The following SLC9A4 variants were observed in gnomAD, a reference collection of about 807,000 sequenced individuals.
SLC9A4 encodes the protein solute carrier family 9 member A4, also known as sodium/hydrogen exchanger 4.
SLC9A4 carries 63 observed loss-of-function variants against 67.4 expected under a neutral mutation model. The observed-to-expected ratio is 0.93, with a 90% CI of 0.76 to 1.15. SLC9A4 has a LOEUF of 1.15. Among genes scored for constraint, SLC9A4 ranks in the 50% most tolerant of loss-of-function variants. The pLI is 0.00. For synonymous variants in SLC9A4, 393 were observed against 367.2 expected (o/e 1.07, Z -0.80); for missense variants, 1,089 against 987.7 (o/e 1.10, Z -1.38).
chr2:102,525,871 G>A (rs1674653072), intron 10 of SLC9A4, among the ~76,000 whole-genome samples: 1 of 152,098 alleles, frequency 6.6e-6, no homozygotes, highest in South Asian at 2.1e-4. Flanking sequence ...ACAGGTCTGT[G>A]TTCTTCCCCT....
Position 102,508,209 on chromosome 2 carries a change from G to A in SLC9A4, c.1329G>A (p.Leu443=). The part of the protein sequence containing the change: ...GSFSLAFLLP[L]SLFPRKKMFV... ...TTTCACTTGCATTTTTGCTTCCTCT[G>A]TCTCTTTTTCCTAGGAAGAAAATGT... Residue 443 remains leucine (L), a synonymous_variant, in exon 5 of 12, where the codon CTG becomes CTA. Transcript: ENST00000295269. 6.2e-7 allele frequency: 1 copy of A among 1,614,124 alleles called. No homozygotes were observed.
In SLC9A4 at chr2:102,506,073, A is replaced by G. The variant is rs1027415339; in HGVS notation, c.1198+602A>G. Among the ~76,000 whole-genome samples the G allele has an allele frequency of 8.5e-5, 13 of 152,356 alleles. No individual in the cohort carries two copies. In the East Asian group the frequency reaches 2.1e-3, roughly 25 times the overall value. ...AGCAAACAAACAAATCAGAAAGTGAATATTTTTAAAAGAGCTTCGTATTAA... is the reference window on the plus strand; with the variant it reads ...AGCAAACAAACAAATCAGAAAGTGAGTATTTTTAAAAGAGCTTCGTATTAA... On this transcript the variant is annotated intron_variant, in intron 4 of 11. Transcript: ENST00000295269.
At chr2:102,487,054 G>A (rs1318276658) in intron 2 of SLC9A4, among the ~76,000 whole-genome samples, 1 of 152,194 alleles carries the variant, frequency 6.6e-6, no homozygotes, top group African/African-American at 2.4e-5. Context: ...GTTGGGGAGG[G>A]CAGGAGTCTG....
chr2:102,523,011 C>T (rs1481840420), intron 9 of SLC9A4, among the ~76,000 whole-genome samples: 2 of 152,098 alleles, frequency 1.3e-5, no homozygotes, highest in Non-Finnish European at 2.9e-5. Flanking sequence ...CTCTGTCACC[C>T]AGGCTAGAGT....
intron 2 of SLC9A4, among the ~76,000 whole-genome samples, chr2:102,488,260 C>G (rs1245647938): frequency 6.6e-6 from 1 of 152,096 alleles, no homozygotes; most frequent in Non-Finnish European, 1.5e-5. Context: ...TGCCCGGTGT[C>G]ACGTGAAAAA....
At chr2:102,491,239 G>A (rs889882977) in intron 2 of SLC9A4, among the ~76,000 whole-genome samples, 1 of 149,978 alleles carries the variant, frequency 6.7e-6, no homozygotes, top group African/African-American at 2.4e-5. Context: ...CCTCATCAGG[G>A]ATGCATTTGG....
chr2:102,483,841 T>TATATATATACACACAC (rs370126753), intron 2 of SLC9A4, among the ~76,000 whole-genome samples: 2 of 126,782 alleles, frequency 1.6e-5, no homozygotes, highest in African/African-American at 6.2e-5. Flanking sequence ...TATATATATA[T>TATATATATACACACAC]ACACACACAC....
chr2:102,480,418 C>A (rs1211263119), intron 2 of SLC9A4, among the ~76,000 whole-genome samples: 1 of 151,258 alleles, frequency 6.6e-6, no homozygotes, highest in Non-Finnish European at 1.5e-5. Flanking sequence ...GGCTGGAGTG[C>A]AATGATGCAG....
At position 102,479,171 on chromosome 2, in the gene SLC9A4, C is replaced by A; in HGVS notation, c.589C>A (p.Leu197Met). 1.2e-6 allele frequency: 2 copies of A among 1,614,184 alleles called. No individual in the cohort carries two copies. The highest frequency in any genetic ancestry group is 1.7e-6 in the Non-Finnish European group (2 of 1,180,020). The change falls in exon 2 of 12, where the codon CTG becomes ATG. Residue 197 changes from leucine (L) to methionine (M), a missense_variant. Transcript: ENST00000295269. Reference sequence around the variant, plus strand: ...GGGCGACGTCAACCTGCTGCAGAACCTGCTGTTCGGCAGCCTGATCTCCGC... The same window carrying A: ...GGGCGACGTCAACCTGCTGCAGAACATGCTGTTCGGCAGCCTGATCTCCGC... ...GLGDVNLLQN[L>M]LFGSLISAVD...
chr2:102,524,729 T>C (rs1433282356), intron 9 of SLC9A4, among the ~76,000 whole-genome samples: 1 of 152,056 alleles, frequency 6.6e-6, no homozygotes, highest in East Asian at 1.9e-4. Context: ...GAAAGGAAAG[T>C]GTATGTAAGG....
Position 102,519,862 on chromosome 2 carries a change from CCAGAGGATA to C in SLC9A4, c.1728_1736del (p.Arg577_Gln579del). ...TCTTCTCCAATAATGATTCCAGGGC[CCAGAGGATA>C]CAAGGAATCAAAAGACTTTCCCCTG... On this transcript the variant is annotated inframe_deletion, in exon 9 of 12. Transcript: ENST00000295269. 1.2e-6 allele frequency: 2 copies of C among 1,613,432 alleles called. No individual in the cohort carries two copies. Among genetic ancestry groups the C allele is most frequent in the Non-Finnish European group, 1.7e-6 (2 of 1,179,566 alleles).
chr2:102,524,618 G>A (rs1674619625), intron 9 of SLC9A4, among the ~76,000 whole-genome samples: 2 of 150,788 alleles, frequency 1.3e-5, no homozygotes, highest in Non-Finnish European at 3.0e-5. Context: ...ATCCTTAATT[G>A]GCAAAATTAA....
chr2:102,525,631 A>G (rs1338090185), intron 10 of SLC9A4, among the ~76,000 whole-genome samples: 1 of 151,890 alleles, frequency 6.6e-6, no homozygotes, highest in East Asian at 2.0e-4. Flanking sequence ...CACTCTTCCC[A>G]TTGGAGGCCA....
At chr2:102,503,029 G>T (rs978923985) in intron 2 of SLC9A4, among the ~76,000 whole-genome samples, 2 of 152,264 alleles carry the variant, frequency 1.3e-5, no homozygotes, top group Non-Finnish European at 2.9e-5. Flanking sequence ...CTGCAGGAAG[G>T]CCCTTCTGCC....
intron 2 of SLC9A4, among the ~76,000 whole-genome samples, chr2:102,500,706 G>C (rs965488852): frequency 2.0e-5 from 3 of 152,170 alleles, no homozygotes; most frequent in Non-Finnish European, 4.4e-5. Context: ...AAAGTGTACA[G>C]TTACATGGTG....
intron 9 of SLC9A4, among the ~76,000 whole-genome samples, chr2:102,523,786 C>G (rs1184646366): frequency 6.6e-6 from 1 of 152,206 alleles, no homozygotes; most frequent in Non-Finnish European, 1.5e-5. Flanking sequence ...ATTCCTGGCT[C>G]TTTTCCAGCA....
intron 8 of SLC9A4, among the ~76,000 whole-genome samples, chr2:102,518,862 A>G (rs1395952741): frequency 6.6e-6 from 1 of 152,130 alleles, no homozygotes; most frequent in Non-Finnish European, 1.5e-5. Flanking sequence ...GAGGCTAGAA[A>G]CAAACAAACA....
At chr2:102,483,835 T>TACACACAC (rs1424356394) in intron 2 of SLC9A4, among the ~76,000 whole-genome samples, 11 of 75,870 alleles carry the variant, frequency 1.4e-4, no homozygotes, top group African/African-American at 5.6e-4. Context: ...TATATATATA[T>TACACACAC]ATATATACAC....
chr2:102,525,981 G>T (rs115263091), intron 10 of SLC9A4, among the ~76,000 whole-genome samples: 1 of 151,950 alleles, frequency 6.6e-6, no homozygotes, highest in Admixed American at 6.6e-5. Context: ...TCTGTCTCCC[G>T]GGTTCATGCG....
Sources: gnomAD v4.1 joint callset for allele counts (sites outside exome capture counted in the v4.1 genomes callset) on GRCh38, gnomAD v4.1.1 for gene constraint, MANE v1.5 for transcripts, NCBI Gene and HGNC (gene_info 2026-07-23, HGNC 2026-07-21) for gene names.